The following EXOC1 variants were observed in gnomAD, a reference collection of about 807,000 sequenced individuals.
The protein encoded by EXOC1 is SEC3-like 1.
In EXOC1, 67 loss-of-function variants were observed where a neutral mutation model predicts 107.7. The observed-to-expected ratio is 0.62, with a 90% confidence interval of 0.51 to 0.76. The LOEUF (loss-of-function observed/expected upper bound fraction) is 0.76, where lower values mean the gene tolerates loss of function less well. Ranked by LOEUF, EXOC1 falls within the 30% of genes least tolerant of loss-of-function variation. The pLI, the probability that EXOC1 is intolerant of heterozygous loss-of-function variation, is 0.00. For missense variants in EXOC1, 833 were observed against 1,055.7 expected (o/e 0.79, Z 2.92); for synonymous variants, 348 against 353.5 (o/e 0.98, Z 0.17).
chr4:55,883,844 C>T lies in EXOC1; in HGVS notation c.1246C>T (p.Arg416Ter), dbSNP rs867077748. Residue 416 changes from arginine (R) to a stop codon, truncating the protein, a stop_gained, in exon 10 of 19, where the codon CGA (arginine) becomes TGA (stop). Coordinates refer to ENST00000381295, the MANE Select transcript of EXOC1 (RefSeq NM_001024924.2). LOFTEE classifies it high-confidence loss of function. ...LTKNYMDYLS[R>*]LYEREIKDFF... ...TAAGAATTACATGGATTATTTATCCCGACTATATGAAAGAGAAATCAAAGA... is the reference window on the plus strand; with the variant it reads ...TAAGAATTACATGGATTATTTATCCTGACTATATGAAAGAGAAATCAAAGA... 6.9e-6 allele frequency: 11 copies of T among 1,595,080 alleles called. No individual in the cohort carries two copies. Among genetic ancestry groups the T allele is most frequent in the East Asian group, 6.8e-5 (3 of 43,954 alleles).
intron 1 of EXOC1, among the ~76,000 whole-genome samples, chr4:55,856,966 G>A (rs1405278205): frequency 6.6e-6 from 1 of 151,818 alleles, no homozygotes; most frequent in Non-Finnish European, 1.5e-5. Flanking sequence ...CCCATTAACA[G>A]TCAATCCTCG....
chr4:55,879,679 A>G (rs947904108), intron 9 of EXOC1, among the ~76,000 whole-genome samples: 1 of 152,146 alleles, frequency 6.6e-6, no homozygotes, highest in African/African-American at 2.4e-5. Flanking sequence ...TAGGAATTGG[A>G]CATCATATCC....
intron 1 of EXOC1, among the ~76,000 whole-genome samples, chr4:55,855,072 T>C (rs1248067668): frequency 2.0e-5 from 3 of 152,186 alleles, no homozygotes; most frequent in Admixed American, 2.0e-4. Context: ...ACATGGAAAG[T>C]ACCAAAGTGA....
At chr4:55,855,393 C>G (rs1160861832) in intron 1 of EXOC1, among the ~76,000 whole-genome samples, 1 of 152,072 alleles carries the variant, frequency 6.6e-6, no homozygotes, top group African/African-American at 2.4e-5. Flanking sequence ...GATTTTGAAC[C>G]TGGACATTTG....
At chr4:55,876,924 T>C in intron 8 of EXOC1, 1 of 985,272 alleles carries the variant, frequency 1.0e-6, no homozygotes, top group Non-Finnish European at 1.2e-6. Flanking sequence ...ATGATGTGGG[T>C]TTTTGTACTT....
At chr4:55,903,404 C>T (rs1038731352) in intron 18 of EXOC1, among the ~76,000 whole-genome samples, 3 of 152,092 alleles carry the variant, frequency 2.0e-5, no homozygotes, top group African/African-American at 7.2e-5. Context: ...CTCTGAAAGT[C>T]AGATGTACTT....
intron 8 of EXOC1, among the ~76,000 whole-genome samples, chr4:55,874,174 A>T (rs1722687771): frequency 6.6e-6 from 1 of 152,196 alleles, no homozygotes; most frequent in African/African-American, 2.4e-5. Context: ...TACAGTTTAT[A>T]GCAAATGTAT....
chr4:55,891,930 G>A (rs960519638), intron 13 of EXOC1, among the ~76,000 whole-genome samples: 15 of 152,238 alleles, frequency 9.9e-5, no homozygotes, highest in Middle Eastern at 3.4e-3. Context: ...CTTCTGTAAA[G>A]TAGATATCAT....
At chr4:55,893,852 T>G in intron 15 of EXOC1, 72 bp downstream of exon 15, 1 of 1,222,040 alleles carries the variant, frequency 8.2e-7, no homozygotes, top group Non-Finnish European at 1.1e-6. Flanking sequence ...GTATTTAAAA[T>G]CGAGGGATTT....
chr4:55,867,213 G>C (rs1722033826), intron 4 of EXOC1, among the ~76,000 whole-genome samples: 1 of 152,172 alleles, frequency 6.6e-6, no homozygotes, highest in East Asian at 1.9e-4. Flanking sequence ...CTTTTTCGCA[G>C]TGAATTAAAT....
chr4:55,895,062 TA>T, intron 15 of EXOC1, among the ~76,000 whole-genome samples: 1 of 152,290 alleles, frequency 6.6e-6, no homozygotes, highest in East Asian at 1.9e-4. Context: ...AAGTTGCATA[TA>T]TATATATAAA....
intron 1 of EXOC1, among the ~76,000 whole-genome samples, chr4:55,855,286 C>T (rs1042476193): frequency 2.0e-5 from 3 of 151,938 alleles, no homozygotes; most frequent in Middle Eastern, 3.4e-3. Flanking sequence ...ATTTGCAGTG[C>T]GAAAAGAAAG....
At position 55,858,460 on chromosome 4, in the gene EXOC1, T is replaced by C. The variant is rs749888523; in HGVS notation, c.124+13T>C. ...TTATGTGCCACAGGTGGGTATTTAG[T>C]AAGAAAGAGTACTTGTTTTGTATCC... On this transcript the variant is annotated intron_variant, in intron 2 of 18. Coordinates refer to ENST00000381295, the MANE Select transcript of EXOC1 (RefSeq NM_001024924.2). 6.3e-7 allele frequency: 1 copy of C among 1,575,014 alleles called. No individual in the cohort carries two copies. The highest frequency in any genetic ancestry group is 2.3e-5 in the East Asian group (1 of 43,832).
chr4:55,883,082 C>T (rs528669542), intron 9 of EXOC1: 3 of 151,756 alleles, frequency 2.0e-5, no homozygotes, highest in Admixed American at 6.6e-5. Flanking sequence ...TTTATTTAAG[C>T]GAGAATTAAT....
chr4:55,891,947 T>C (rs1461968412), intron 13 of EXOC1, among the ~76,000 whole-genome samples: 1 of 152,206 alleles, frequency 6.6e-6, no homozygotes, highest in Non-Finnish European at 1.5e-5. Context: ...TCATAGTGCC[T>C]ATTCAGCATG....
At chr4:55,856,462 A>C (rs1720979087) in intron 1 of EXOC1, among the ~76,000 whole-genome samples, 1 of 152,262 alleles carries the variant, frequency 6.6e-6, no homozygotes, top group South Asian at 2.1e-4. Context: ...TGAGAAAAGC[A>C]ATTTTTGGAA....
Position 55,896,813 on chromosome 4 carries a change from C to T in EXOC1, c.2050C>T (p.Leu684Phe). 3 of 1,612,002 alleles carry T rather than the reference C, an allele frequency of 1.9e-6. No homozygotes were observed. Among genetic ancestry groups the T allele is most frequent in the Non-Finnish European group, 2.5e-6 (3 of 1,179,330 alleles). Reference protein sequence around the residue: ...FVAEFEEFAGLAESIFKNAER... With the variant: ...FVAEFEEFAGFAESIFKNAER... Reference sequence around the variant, plus strand: ...TGCTGAATTTGAAGAATTTGCTGGACTTGCAGAATCAATCTTCAAAAATGC... The same window carrying T: ...TGCTGAATTTGAAGAATTTGCTGGATTTGCAGAATCAATCTTCAAAAATGC... The change falls in exon 16 of 19, where the codon CTT becomes TTT. Residue 684 changes from leucine (L) to phenylalanine (F), a missense_variant. This residue lies in a region of EXOC1 where 216 missense variants were observed against 354.4 expected (regional missense o/e 0.61). Coordinates refer to ENST00000381295, the MANE Select transcript of EXOC1 (RefSeq NM_001024924.2).
chr4:55,866,578 A>G (rs1231693370), intron 4 of EXOC1, among the ~76,000 whole-genome samples: 1 of 152,168 alleles, frequency 6.6e-6, no homozygotes, highest in Non-Finnish European at 1.5e-5. Flanking sequence ...TTAGTTTGCC[A>G]GGTTTCTCCT....
At chr4:55,875,598 A>G (rs1304454314) in intron 8 of EXOC1, 8 of 985,218 alleles carry the variant, frequency 8.1e-6, no homozygotes, top group African/African-American at 1.7e-5. Context: ...CTGAGTAAAC[A>G]GTAGTAGAAG....
Sources: gnomAD v4.1 joint callset for allele counts (sites outside exome capture counted in the v4.1 genomes callset) on GRCh38, gnomAD v4.1.1 for gene constraint, gnomAD v4.1.1 regional missense constraint, MANE v1.5 for transcripts, NCBI Gene and HGNC (gene_info 2026-07-23, HGNC 2026-07-21) for gene names.